The following VWA8 variants were observed in gnomAD, a reference collection of about 807,000 sequenced individuals.
The protein encoded by VWA8 is von Willebrand factor A domain-containing protein 8.
In VWA8, 221 loss-of-function variants were observed where a neutral mutation model predicts 241.5. The ratio of observed to expected loss-of-function variants is 0.91; its 90% CI spans 0.82 to 1.02. The LOEUF (loss-of-function observed/expected upper bound fraction) is 1.02, where lower values mean the gene tolerates loss of function less well. VWA8 is among the 50% of genes least tolerant of loss of function. VWA8 has a pLI of 0.00. For synonymous variants in VWA8, 852 were observed against 827.1 expected, an observed-to-expected ratio of 1.03 and a Z score of -0.52; for missense variants, 2,322 against 2,328.7, an observed-to-expected ratio of 1.00 and a Z score of 0.06.
chr13:41,612,008 G>A (rs955229238), intron 38 of VWA8, among the ~76,000 whole-genome samples: 2 of 152,128 alleles, frequency 1.3e-5, no homozygotes, highest in Non-Finnish European at 2.9e-5. Flanking sequence ...ATACTCTTGT[G>A]TACTATTTGT....
rs565769302 is a variant in VWA8 at position 41,785,308 on chromosome 13, A to G, written c.2171-1407T>C. ...ATTTGCTCAAAATCACCCAGCTAATATGAGTAGAGCTTAAAACAATTTAGT... is the reference window on the plus strand; with the variant it reads ...ATTTGCTCAAAATCACCCAGCTAATGTGAGTAGAGCTTAAAACAATTTAGT... On this transcript the variant is annotated intron_variant, in intron 18 of 44. Transcript: ENST00000379310. 2.0e-5 allele frequency among the ~76,000 whole-genome samples: 3 copies of G among 152,336 alleles called. No homozygotes were observed. The South Asian group carries it at 6.2e-4, about 32-fold the overall frequency.
intron 12 of VWA8, among the ~76,000 whole-genome samples, chr13:41,863,634 A>G (rs1246649949): frequency 6.6e-6 from 1 of 151,800 alleles, no homozygotes; most frequent in African/African-American, 2.4e-5. Flanking sequence ...ATGGAAAACC[A>G]TGCAGCCATA....
chr13:41,887,948 T>A (rs1213919943), intron 5 of VWA8, among the ~76,000 whole-genome samples: 1 of 152,222 alleles, frequency 6.6e-6, no homozygotes, highest in Admixed American at 6.5e-5. Flanking sequence ...AACTTGCCCA[T>A]CGTCCTGCAA....
intron 12 of VWA8, among the ~76,000 whole-genome samples, chr13:41,862,191 C>T (rs1873037597): frequency 6.6e-6 from 1 of 152,132 alleles, no homozygotes; most frequent in Admixed American, 6.5e-5. Context: ...TAACACACAA[C>T]AGGGCAAGGA....
rs565743887 is a variant in VWA8, at chr13:41,915,969, C to T, written c.242-3801G>A. 4.3e-4 allele frequency among the ~76,000 whole-genome samples: 66 copies of T among 152,252 alleles called. 1 individual carries two copies. The South Asian group carries it at 0.012, about 27-fold the overall frequency. On this transcript the variant is annotated intron_variant, in intron 2 of 44. Transcript: ENST00000379310. ...TTTCACATAGGATCTCATAACAATT[C>T]TAGAAAGCAGCAGACCTATTGTATA... is the stretch of plus-strand genomic sequence containing the variant.
At chr13:41,851,549 A>G (rs933366865) in intron 12 of VWA8, among the ~76,000 whole-genome samples, 5 of 152,146 alleles carry the variant, frequency 3.3e-5, no homozygotes, top group African/African-American at 4.8e-5. Flanking sequence ...GTGGTAGTGA[A>G]TAAGTCTCAT....
Position 41,784,705 on chromosome 13 carries a change from T to TACATATAC in VWA8, c.2171-805_2171-804insGTATATGT, listed in dbSNP as rs773975684. The stretch of plus-strand genomic sequence containing the variant: ...TTATACATATACATATACATATATA[T>TACATATAC]ATATATATATATATATATATATATA... On this transcript the variant is annotated intron_variant, in intron 18 of 44. Transcript: ENST00000379310. Among the ~76,000 whole-genome samples, 83 of 78,840 alleles carry TACATATAC rather than the reference T, an allele frequency of 1.1e-3. 1 individual carries two copies. Among genetic ancestry groups the TACATATAC allele is most frequent in the African/African-American group, 3.4e-3 (75 of 22,302 alleles). 51.7% of individuals were successfully genotyped at this position (78,840 alleles called of 152,430 possible).
chr13:41,587,806 G>T, intron 41 of VWA8, 136 bp from the exon 42 acceptor site: 1 of 1,020,078 alleles, frequency 9.8e-7, no homozygotes, highest in Non-Finnish European at 1.4e-6. Flanking sequence ...CCCTGCACAA[G>T]GCTGTCCTAG....
At chr13:41,819,509 C>T in intron 14 of VWA8, 123 bp from the exon 15 acceptor site, 1 of 1,073,136 alleles carries the variant, frequency 9.3e-7, no homozygotes, top group Non-Finnish European at 1.3e-6. Flanking sequence ...TGTTATCATC[C>T]AAAGGATTAG....
intron 14 of VWA8, among the ~76,000 whole-genome samples, chr13:41,823,503 C>G (rs73183399): frequency 0.014 from 2,111 of 152,162 alleles, 14 homozygotes; most frequent in East Asian, 0.02. Flanking sequence ...ATGGTCTGGC[C>G]AACAGCAGGA....
At chr13:41,608,891 T>A (rs1309688104) in intron 39 of VWA8, among the ~76,000 whole-genome samples, 1 of 152,220 alleles carries the variant, frequency 6.6e-6, no homozygotes, top group Non-Finnish European at 1.5e-5. Flanking sequence ...TATAAACAGA[T>A]GCTATCAAAA....
At position 41,581,203 on chromosome 13, in the gene VWA8, C is replaced by T. The variant is rs1457795204; in HGVS notation, c.5272-5365G>A. Among the ~76,000 whole-genome samples, 3 of 90,124 alleles carry T rather than the reference C, an allele frequency of 3.3e-5. 1 individual carries two copies. The highest frequency in any genetic ancestry group is 1.6e-4 in the African/African-American group (2 of 12,178). 59.1% of individuals were successfully genotyped at this position (90,124 alleles called of 152,430 possible). A position where few individuals can be genotyped will look rare whatever the true frequency, so the allele number is the denominator to read the frequency against. On this transcript the variant is annotated intron_variant, in intron 42 of 44. Transcript: ENST00000379310. ...TTTTTTAGTAGAGACGGGGTTTCAC[C>T]GTGTTACCCAGGATGGTCTCGATCT...
At chr13:41,844,569 T>A (rs530312727) in intron 12 of VWA8, among the ~76,000 whole-genome samples, 91 of 152,274 alleles carry the variant, frequency 6.0e-4, no homozygotes, top group African/African-American at 2.0e-3. Context: ...TCCCACATGA[T>A]ATGATTCTAT....
chr13:41,797,587 A>G (rs1869763290), intron 17 of VWA8, among the ~76,000 whole-genome samples: 2 of 152,160 alleles, frequency 1.3e-5, no homozygotes, highest in African/African-American at 2.4e-5. Flanking sequence ...CCTGTCTTCA[A>G]TTCTGATTGT....
intron 4 of VWA8, chr13:41,905,036 T>C (rs1036712475): frequency 3.9e-5 from 6 of 152,126 alleles, no homozygotes; most frequent in Admixed American, 2.0e-4. Context: ...ATCACTAGGT[T>C]TGGAATAAAT....
chr13:41,696,423 T>C (rs1458927193), intron 29 of VWA8, among the ~76,000 whole-genome samples: 1 of 152,240 alleles, frequency 6.6e-6, no homozygotes, highest in Non-Finnish European at 1.5e-5. Flanking sequence ...TATTCATAAG[T>C]AACAACACTG....
At chr13:41,602,169 GC>G (rs1434615733) in intron 40 of VWA8, among the ~76,000 whole-genome samples, 2 of 152,014 alleles carry the variant, frequency 1.3e-5, no homozygotes, top group Admixed American at 6.6e-5. Flanking sequence ...GGACTAGAAG[GC>G]CCACCTGAGA....
At chr13:41,939,910 T>C (rs748432277) in intron 2 of VWA8, among the ~76,000 whole-genome samples, 9 of 152,200 alleles carry the variant, frequency 5.9e-5, no homozygotes, top group Non-Finnish European at 8.8e-5. Context: ...TTGATAAAGA[T>C]AGAAATAAAA....
At chr13:41,578,998 C>T (rs1293194146) in intron 42 of VWA8, among the ~76,000 whole-genome samples, 3 of 152,050 alleles carry the variant, frequency 2.0e-5, no homozygotes, top group African/African-American at 4.8e-5. Context: ...AAATTTTGGT[C>T]AAAGATGTGG....
Sources: allele counts gnomAD v4.1 joint callset (sites outside exome capture counted in the v4.1 genomes callset), GRCh38; gene constraint gnomAD v4.1.1; transcripts MANE v1.5; gene names NCBI Gene and HGNC (gene_info 2026-07-23, HGNC 2026-07-21).